Variants in KCNMA1 observed in about 807,000 individuals in gnomAD.
KCNMA1 encodes the protein potassium calcium-activated channel subfamily M alpha 1, also known as Calcium-activated potassium channel subunit alpha-1.
A neutral mutation model predicts 140.0 loss-of-function variants in KCNMA1; 29 were observed. The observed-to-expected ratio is 0.21, with a 90% CI of 0.15 to 0.28. The LOEUF (loss-of-function observed/expected upper bound fraction) is 0.28, where lower values mean the gene tolerates loss of function less well. KCNMA1 is among the 10% of genes least tolerant of loss of function. The pLI is 1.00. For missense variants in KCNMA1, 880 were observed against 1,602.2 expected (o/e 0.55, Z 7.70); for synonymous variants, 612 against 611.9 (o/e 1.00, Z 0.00).
intron 2 of KCNMA1, among the ~76,000 whole-genome samples, chr10:77,386,365 T>A (rs551626888): frequency 6.6e-6 from 1 of 152,348 alleles, no homozygotes; most frequent in East Asian, 1.9e-4. Context: ...TAGGGCTTTC[T>A]ATTCCAATTC....
chr10:77,297,097 C>T (rs938063934), intron 2 of KCNMA1, among the ~76,000 whole-genome samples: 12 of 152,072 alleles, frequency 7.9e-5, no homozygotes, highest in African/African-American at 1.4e-4. Context: ...CTTGTGAGGA[C>T]GGAGGTCCTA....
At chr10:77,049,819 T>C (rs1053227313) in intron 14 of KCNMA1, among the ~76,000 whole-genome samples, 1 of 152,228 alleles carries the variant, frequency 6.6e-6, no homozygotes, top group Non-Finnish European at 1.5e-5. Context: ...AGGGAGTATG[T>C]ATAACTGGGT....
intron 1 of KCNMA1, among the ~76,000 whole-genome samples, chr10:77,458,897 T>C (rs1001027302): frequency 2.0e-5 from 3 of 152,220 alleles, no homozygotes; most frequent in Admixed American, 1.3e-4. Flanking sequence ...TAACCACAGA[T>C]GGCTGGTGGC....
chr10:76,962,513 T>C (rs574462785), intron 20 of KCNMA1, among the ~76,000 whole-genome samples: 2 of 152,264 alleles, frequency 1.3e-5, no homozygotes, highest in South Asian at 4.1e-4. Context: ...CTGACTTTAT[T>C]GAGCATCTAT....
chr10:76,931,517 G>GA (rs57206850), intron 23 of KCNMA1, among the ~76,000 whole-genome samples: 3,191 of 131,806 alleles, frequency 0.024, 70 homozygotes, highest in African/African-American at 0.067. Flanking sequence ...ACTGTTTTAA[G>GA]AAAAAAAAAA....
rs944065770 is a variant in KCNMA1, at chr10:77,035,436, G to T, written c.1859+4092C>A. ...CAGTGGGTGTCTAGATCTCTCTGAC[G>T]ATGGGTACTATTTCCCTTAGCCAGA... On this transcript the variant is annotated intron_variant, in intron 15 of 27. Transcript: ENST00000286628. 2.0e-5 allele frequency among the ~76,000 whole-genome samples: 3 copies of T among 152,158 alleles called. No individual in the cohort carries two copies. In the East Asian group the frequency reaches 5.8e-4, roughly 29 times the overall value.
intron 2 of KCNMA1, among the ~76,000 whole-genome samples, chr10:77,282,624 G>A (rs2069062450): frequency 6.6e-6 from 1 of 152,086 alleles, no homozygotes; most frequent in South Asian, 2.1e-4. Flanking sequence ...TTCTTCTGTG[G>A]AATAATTGTG....
At chr10:77,089,940 G>A (rs1189156992) in intron 10 of KCNMA1, among the ~76,000 whole-genome samples, 2 of 152,092 alleles carry the variant, frequency 1.3e-5, no homozygotes, top group Admixed American at 1.3e-4. Flanking sequence ...TCCTAGGAAC[G>A]GCAGTTGTTA....
chr10:77,166,400 C>T (rs2098642666), intron 5 of KCNMA1, among the ~76,000 whole-genome samples: 1 of 152,132 alleles, frequency 6.6e-6, no homozygotes, highest in Non-Finnish European at 1.5e-5. Flanking sequence ...GTGGTGGATA[C>T]TGGGCAACAG....
At chr10:77,155,799 A>T (rs1426417544) in intron 5 of KCNMA1, among the ~76,000 whole-genome samples, 1 of 152,222 alleles carries the variant, frequency 6.6e-6, no homozygotes, top group East Asian at 1.9e-4. Flanking sequence ...ATAGCCTCAG[A>T]AGAGAATGTC....
intron 1 of KCNMA1, among the ~76,000 whole-genome samples, chr10:77,526,615 G>A (rs1409853850): frequency 1.3e-5 from 2 of 152,194 alleles, no homozygotes; most frequent in Admixed American, 6.5e-5. Flanking sequence ...CCATGGAGAC[G>A]ATGAGCACAG....
chr10:77,158,210 A>G (rs150921265), intron 5 of KCNMA1, among the ~76,000 whole-genome samples: 118 of 152,352 alleles, frequency 7.7e-4, no homozygotes, highest in Non-Finnish European at 1.5e-3. Context: ...AAAGAGCTGT[A>G]TGCCATGAGG....
At chr10:77,044,527 T>G (rs574330108) in intron 14 of KCNMA1, among the ~76,000 whole-genome samples, 2 of 152,204 alleles carry the variant, frequency 1.3e-5, no homozygotes, top group South Asian at 4.2e-4. Context: ...CACACCCCTG[T>G]AGTGCCAGCT....
At chr10:76,977,794 T>A (rs1459248302) in intron 19 of KCNMA1, 1 of 593,042 alleles carries the variant, frequency 1.7e-6, no homozygotes, top group African/African-American at 1.9e-5. Flanking sequence ...GTGTTTGAGG[T>A]CATGAGTCAG....
intron 2 of KCNMA1, among the ~76,000 whole-genome samples, chr10:77,392,703 G>C (rs2095876743): frequency 6.6e-6 from 1 of 152,232 alleles, no homozygotes; most frequent in Non-Finnish European, 1.5e-5. Context: ...CGCATGTGCA[G>C]TAGAATCTGG....
At chr10:76,974,402 C>G in intron 19 of KCNMA1, 1 of 807,620 alleles carries the variant, frequency 1.2e-6, no homozygotes, top group Non-Finnish European at 2.0e-6. Flanking sequence ...CGCTCTTCTT[C>G]AACTGAGCTC....
chr10:77,003,207 C>T (rs2087086088), intron 18 of KCNMA1, among the ~76,000 whole-genome samples: 1 of 152,162 alleles, frequency 6.6e-6, no homozygotes, highest in African/African-American at 2.4e-5. Flanking sequence ...TTTTTAGTGA[C>T]GTGTTCTTTT....
At chr10:77,045,554 G>A (rs2094994327) in intron 14 of KCNMA1, among the ~76,000 whole-genome samples, 1 of 152,142 alleles carries the variant, frequency 6.6e-6, no homozygotes, top group African/African-American at 2.4e-5. Flanking sequence ...CAAGCAAATG[G>A]TTTCACACCA....
chr10:77,353,970 T>TGGGGG (rs563299513), intron 2 of KCNMA1, among the ~76,000 whole-genome samples: 18 of 92,940 alleles, frequency 1.9e-4, no homozygotes, highest in African/African-American at 5.7e-4. Flanking sequence ...CCTCTTTTTT[T>TGGGGG]GGGGGGGGGG....
Sources: allele counts gnomAD v4.1 joint callset (sites outside exome capture counted in the v4.1 genomes callset), GRCh38; gene constraint gnomAD v4.1.1; transcripts MANE v1.5; gene names NCBI Gene and HGNC (gene_info 2026-07-23, HGNC 2026-07-21).